The following DCP2 variants were observed in gnomAD, a reference collection of about 807,000 sequenced individuals.
The protein encoded by DCP2 is decapping mRNA 2.
Under a neutral mutation model 56.1 loss-of-function variants are expected in DCP2, and 30 were observed. That is an observed-to-expected ratio of 0.53 (90% confidence interval 0.40 to 0.73). The LOEUF (loss-of-function observed/expected upper bound fraction) is 0.73, where lower values mean the gene tolerates loss of function less well. Ranked by LOEUF, DCP2 falls within the 30% of genes least tolerant of loss-of-function variation. DCP2 has a pLI of 0.00. For missense variants in DCP2, 533 were observed against 502.7 expected (o/e 1.06, Z -0.58); for synonymous variants, 197 against 163.3 (o/e 1.21, Z -1.57).
chr5:112,977,979 T>G (rs530154854), intron 1 of DCP2, among the ~76,000 whole-genome samples: 41 of 152,234 alleles, frequency 2.7e-4, no homozygotes, highest in South Asian at 6.2e-4. Context: ...TTGTTTGTTT[T>G]TTTGTTTTTA....
At chr5:112,982,550 C>T (rs1322854620) in intron 1 of DCP2, among the ~76,000 whole-genome samples, 1 of 152,224 alleles carries the variant, frequency 6.6e-6, no homozygotes, top group Non-Finnish European at 1.5e-5. Context: ...TGTTTTCACA[C>T]TTAGTTCCCA....
chr5:112,976,968 T>C lies in DCP2; in HGVS notation c.35T>C (p.Val12Ala). 6.3e-7 allele frequency: 1 copy of C among 1,594,896 alleles called. No homozygotes were observed. The highest frequency in any genetic ancestry group is 2.3e-5 in the East Asian group (1 of 43,992). Residue 12 changes from valine (V) to alanine (A), a missense_variant, in exon 1 of 11, where the codon GTC becomes GCC. This residue lies in a region of DCP2 where 137 missense variants were observed against 138.2 expected (regional missense o/e 0.99). Coordinates refer to ENST00000389063, the MANE Select transcript of DCP2 (RefSeq NM_152624.6). Reference sequence around the variant, plus strand: ...AAACGGGTGGAGATTCCCGGCAGCGTCCTGGACGATCTCTGCAGGTACCGC... The same window carrying C: ...AAACGGGTGGAGATTCCCGGCAGCGCCCTGGACGATCTCTGCAGGTACCGC... Reference protein sequence around the residue: ...ETKRVEIPGSVLDDLCSRFIL... With the variant: ...ETKRVEIPGSALDDLCSRFIL...
chr5:112,996,345 TGAG>T (rs1332958667), intron 4 of DCP2, among the ~76,000 whole-genome samples: 1 of 152,198 alleles, frequency 6.6e-6, no homozygotes, highest in African/African-American at 2.4e-5. Flanking sequence ...TATTAACAGA[TGAG>T]GAGAGATTTT....
rs763501540 is a variant in DCP2, at chr5:112,985,935, CAGA to C, written c.156_158del (p.Gln52_Asn53delinsHis). 2 of 1,603,946 alleles carry C rather than the reference CAGA, an allele frequency of 1.2e-6. No homozygotes were observed. Among genetic ancestry groups the C allele is most frequent in the Non-Finnish European group, 1.7e-6 (2 of 1,172,180 alleles). ...TTGGTTTTACTTGGATTTCTACATG[CAGA>C]ACACACCAGGATTACCTCAGTGTGG... On this transcript the variant is annotated inframe_deletion, in exon 2 of 11. Coordinates refer to ENST00000389063, the MANE Select transcript of DCP2 (RefSeq NM_152624.6).
intron 7 of DCP2, 101 bp from the exon 8 acceptor site, chr5:113,003,841 T>C: frequency 7.5e-7 from 1 of 1,335,440 alleles, no homozygotes. Flanking sequence ...AGATAGACAG[T>C]AAATAAGAAA....
chr5:112,998,246 C>T (rs1241131686), intron 4 of DCP2, among the ~76,000 whole-genome samples: 1 of 152,182 alleles, frequency 6.6e-6, no homozygotes, highest in African/African-American at 2.4e-5. Context: ...TGTACTACTT[C>T]CTCCCTTGTA....
chr5:113,010,953 G>C (rs1749658668), intron 10 of DCP2, 146 bp downstream of exon 10: 1 of 808,756 alleles, frequency 1.2e-6, no homozygotes, highest in African/African-American at 1.8e-5. Flanking sequence ...CATGTATGTA[G>C]AGTTCTCTAA....
chr5:112,977,076 C>T, intron 1 of DCP2, 90 bp downstream of exon 1: 2 of 985,870 alleles, frequency 2.0e-6, no homozygotes, highest in Admixed American at 5.9e-5. Context: ...TCCCCGCCCA[C>T]GTCCATGTCC....
At position 113,001,420 on chromosome 5, in the gene DCP2, A is replaced by G. The variant is rs756058426; in HGVS notation, c.649A>G (p.Lys217Glu). 6.2e-7 allele frequency: 1 copy of G among 1,614,080 alleles called. No individual in the cohort carries two copies. Among genetic ancestry groups the G allele is most frequent in the Admixed American group, 1.7e-5 (1 of 60,016 alleles). Reference sequence around the variant, plus strand: ...TAGAAATGATATGACCCCCAAATCCAAACTTGGTTTGGCACCTAACAAATT... The same window carrying G: ...TAGAAATGATATGACCCCCAAATCCGAACTTGGTTTGGCACCTAACAAATT... ...CHRNDMTPKS[K>E]LGLAPNKFFM... Residue 217 changes from lysine to glutamate, a missense_variant, in exon 6 of 11, where the codon AAA becomes GAA. Around this residue, in one of 3 missense-constraint regions of DCP2, gnomAD observed 392 missense variants for 346.6 expected, o/e 1.13. Coordinates refer to ENST00000389063, the MANE Select transcript of DCP2 (RefSeq NM_152624.6).
chr5:112,981,148 A>G (rs1249455562), intron 1 of DCP2, among the ~76,000 whole-genome samples: 3 of 152,104 alleles, frequency 2.0e-5, no homozygotes, highest in East Asian at 1.9e-4. Context: ...AGCTAGGACT[A>G]TAGGCATGTA....
In DCP2 at chr5:113,017,404, AG is replaced by A. The variant is rs1181911609; in HGVS notation, c.*3921del. 6.6e-6 allele frequency: 1 copy of A among 152,208 alleles called. No individual in the cohort carries two copies. The highest frequency in any genetic ancestry group is 6.5e-5 in the Admixed American group (1 of 15,284). 9.4% of individuals were successfully genotyped at this position (152,208 alleles called of 1,614,324 possible). On this transcript the variant is annotated 3_prime_UTR_variant, in exon 11 of 11. Transcript: ENST00000389063. ...AACAGTACTCCTGACAGCTTGGTAA[AG>A]TCTAGGTAGAGTTTCTGATTTTGTA...
chr5:112,984,703 A>AAAAAAATATATATATATATATATATATAT, intron 1 of DCP2: 6 of 64,856 alleles, frequency 9.3e-5, no homozygotes, highest in Non-Finnish European at 1.4e-4. Flanking sequence ...AAAAAAAAAA[A>AAAAAAATATATATATATATATATATATAT]ATATATATAT....
chr5:112,985,904 T>C lies in DCP2; in HGVS notation c.123T>C (p.Leu41=), dbSNP rs1423838052. ...TCCGAGTGTGTTTTCAGATTGAACT[T>C]GCCCATTGGTTTTACTTGGATTTCT... is the stretch of plus-strand genomic sequence containing the variant. ...NAIRVCFQIE[L]AHWFYLDFYM... is the part of the protein sequence containing the mutation. Residue 41 remains leucine, a synonymous_variant, in exon 2 of 11, where the codon CTT becomes CTC. Transcript: ENST00000389063. 1.2e-6 allele frequency: 2 copies of C among 1,610,910 alleles called. No individual in the cohort carries two copies. Among genetic ancestry groups the C allele is most frequent in the Admixed American group, 1.7e-5 (1 of 59,998 alleles).
At chr5:112,977,948 G>GT (rs113967618) in intron 1 of DCP2, among the ~76,000 whole-genome samples, 35,115 of 151,388 alleles carry the variant, frequency 0.23, 4,929 homozygotes, top group African/African-American at 0.41. Flanking sequence ...TGTTTGTGGA[G>GT]TTTTTTGGGG....
Position 112,982,273 on chromosome 5 carries a change from C to T in DCP2, c.54-3562C>T, listed in dbSNP as rs1053800299. Reference sequence around the variant, plus strand: ...TCCTCAATCATACTTTCGACAGAATCCTTTTTTCCCTTTAGACTGCACTCT... The same window carrying T: ...TCCTCAATCATACTTTCGACAGAATTCTTTTTTCCCTTTAGACTGCACTCT... On this transcript the variant is annotated intron_variant, in intron 1 of 10. Coordinates refer to ENST00000389063, the MANE Select transcript of DCP2 (RefSeq NM_152624.6). Among the ~76,000 whole-genome samples the T allele has an allele frequency of 2.0e-5, 3 of 152,162 alleles. No homozygotes were observed. The South Asian group carries it at 6.2e-4, about 32-fold the overall frequency.
In DCP2 at chr5:113,010,732, TG is replaced by T. The variant is rs111240107; in HGVS notation, c.1048-23del. ...TGACTGTGTTGTATGTGTGTGTGTG[TG>T]TGTTTTTTTTTTTTTTAAATAGAAG... On this transcript the variant is annotated intron_variant, in intron 9 of 10. Coordinates refer to ENST00000389063, the MANE Select transcript of DCP2 (RefSeq NM_152624.6). The T allele has an allele frequency of 1.8e-4, 258 of 1,469,926 alleles. 1 individual carries two copies. Among genetic ancestry groups the T allele is most frequent in the Admixed American group, 8.6e-4 (34 of 39,334 alleles). The allele number at this position is 1,469,926 out of a possible 1,614,324, so 91.1% of individuals were successfully genotyped here. A position where few individuals can be genotyped will look rare whatever the true frequency, so the allele number is the denominator to read the frequency against.
chr5:113,007,892 T>A lies in DCP2; in HGVS notation c.943-46T>A, dbSNP rs201482890. On this transcript the variant is annotated intron_variant, in intron 8 of 10. Transcript: ENST00000389063. ...TCATGGGGTATTTTTTTTGTGCTATTACATTATGCTATAGATTCATATTAT... is the reference window on the plus strand; with the variant it reads ...TCATGGGGTATTTTTTTTGTGCTATAACATTATGCTATAGATTCATATTAT... 15 of 1,529,338 alleles carry A rather than the reference T, an allele frequency of 9.8e-6. No individual in the cohort carries two copies. The East Asian group carries it at 2.1e-4, about 21-fold the overall frequency. 94.7% of individuals were successfully genotyped at this position (1,529,338 alleles called of 1,614,324 possible).
intron 4 of DCP2, among the ~76,000 whole-genome samples, chr5:112,994,274 C>G (rs960131962): frequency 4.7e-5 from 7 of 148,554 alleles, no homozygotes; most frequent in Non-Finnish European, 3.0e-5. Flanking sequence ...TGGGCTCAAG[C>G]AATCCTCCTG....
In DCP2 at chr5:112,981,865, G is replaced by A. The variant is rs988043967; in HGVS notation, c.54-3970G>A. Reference sequence around the variant, plus strand: ...AGCTCACTGCAACCCGTGTCTCCTGGGTTCAAGCGATTCTCCTGCCTCATC... The same window carrying A: ...AGCTCACTGCAACCCGTGTCTCCTGAGTTCAAGCGATTCTCCTGCCTCATC... On this transcript the variant is annotated intron_variant, in intron 1 of 10. Transcript: ENST00000389063. Among the ~76,000 whole-genome samples the A allele has an allele frequency of 2.6e-5, 4 of 152,228 alleles. No individual in the cohort carries two copies. In the South Asian group the frequency reaches 6.2e-4, roughly 24 times the overall value.
Sources: allele counts gnomAD v4.1 joint callset (sites outside exome capture counted in the v4.1 genomes callset), GRCh38; gene constraint gnomAD v4.1.1; regional missense constraint gnomAD v4.1.1; transcripts MANE v1.5; gene names NCBI Gene and HGNC (gene_info 2026-07-23, HGNC 2026-07-21).